Variants in ENTREP2 observed in about 807,000 individuals in gnomAD.
ENTREP2 encodes the protein protein ENTREP2.
At chr15:29,269,429 C>A in the ENTREP2 span, 5 of 1,614,022 alleles carry the variant, frequency 3.1e-6, no homozygotes, top group Non-Finnish European at 4.2e-6. Flanking sequence ...AAGAACTGCA[C>A]CAGCTCGGAC....
the ENTREP2 span, among the ~76,000 whole-genome samples, chr15:29,172,375 G>C: frequency 6.6e-6 from 1 of 152,166 alleles, no homozygotes; most frequent in South Asian, 2.1e-4. Flanking sequence ...CAAGGAGCAG[G>C]AGTCCTAGAT....
the ENTREP2 span, among the ~76,000 whole-genome samples, chr15:29,601,035 T>C: frequency 6.6e-5 from 10 of 151,108 alleles, no homozygotes; most frequent in Non-Finnish European, 1.3e-4. Context: ...GTAGCTGGGA[T>C]TACAGGTGCC....
the ENTREP2 span, among the ~76,000 whole-genome samples, chr15:29,368,439 G>C: frequency 6.6e-6 from 1 of 151,484 alleles, no homozygotes; most frequent in Non-Finnish European, 1.5e-5. Context: ...AAGGCATGGT[G>C]GACTTAGAAG....
chr15:29,220,865 T>C, the ENTREP2 span, among the ~76,000 whole-genome samples: 1,855 of 152,306 alleles, frequency 0.012, 39 homozygotes, highest in African/African-American at 0.042. Context: ...ATTTCACCTT[T>C]ATTTTGGTCT....
At chr15:29,672,317 T>C in the ENTREP2 span, among the ~76,000 whole-genome samples, 1 of 152,204 alleles carries the variant, frequency 6.6e-6, no homozygotes, top group Non-Finnish European at 1.5e-5. Flanking sequence ...CAAGGGCCTA[T>C]GGATCCCACA....
chr15:29,443,178 T>C, the ENTREP2 span, among the ~76,000 whole-genome samples: 1 of 152,230 alleles, frequency 6.6e-6, no homozygotes, highest in Non-Finnish European at 1.5e-5. Context: ...TCACCACTCC[T>C]GTGGTCACTC....
chr15:29,186,404 C>T, the ENTREP2 span, among the ~76,000 whole-genome samples: 1 of 152,236 alleles, frequency 6.6e-6, no homozygotes, highest in African/African-American at 2.4e-5. Context: ...CACATCACAG[C>T]TGCCAAAAAA....
the ENTREP2 span, among the ~76,000 whole-genome samples, chr15:29,173,557 C>G: frequency 2.0e-5 from 3 of 152,098 alleles, no homozygotes; most frequent in Non-Finnish European, 4.4e-5. Context: ...TAAAGGGAAG[C>G]CCTCCTGGGA....
chr15:29,389,346 G>A, the ENTREP2 span, among the ~76,000 whole-genome samples: 1 of 152,086 alleles, frequency 6.6e-6, no homozygotes, highest in Non-Finnish European at 1.5e-5. Context: ...GTGGGACACT[G>A]GATTGTTGTT....
chr15:29,392,244 G>A, the ENTREP2 span, among the ~76,000 whole-genome samples: 6 of 152,150 alleles, frequency 3.9e-5, no homozygotes, highest in African/African-American at 9.7e-5. Context: ...TTACAGGCGT[G>A]AGCCACTGTG....
At chr15:29,510,816 A>C in the ENTREP2 span, among the ~76,000 whole-genome samples, 1 of 151,798 alleles carries the variant, frequency 6.6e-6, no homozygotes, top group Non-Finnish European at 1.5e-5. Flanking sequence ...TCTCAAAAAA[A>C]AAAAAAAATG....
At chr15:29,521,020 C>T in the ENTREP2 span, among the ~76,000 whole-genome samples, 1 of 152,292 alleles carries the variant, frequency 6.6e-6, no homozygotes, top group South Asian at 2.1e-4. Context: ...TTTTCAACCA[C>T]GGGTGATTTT....
At chr15:29,298,252 A>T in the ENTREP2 span, among the ~76,000 whole-genome samples, 1 of 152,326 alleles carries the variant, frequency 6.6e-6, no homozygotes, top group East Asian at 1.9e-4. Context: ...TTTAGAGGGA[A>T]TTTATAGCCC....
At chr15:29,459,018 A>T in the ENTREP2 span, among the ~76,000 whole-genome samples, 1 of 152,216 alleles carries the variant, frequency 6.6e-6, no homozygotes, top group Non-Finnish European at 1.5e-5. Context: ...CCCAATCTCC[A>T]GGGCAGGCAA....
the ENTREP2 span, among the ~76,000 whole-genome samples, chr15:29,242,255 G>C: frequency 6.6e-6 from 1 of 152,216 alleles, no homozygotes; most frequent in South Asian, 2.1e-4. Flanking sequence ...TTTTGGTAGA[G>C]ATGGGATTTC....
chr15:29,191,197 T>C, the ENTREP2 span, among the ~76,000 whole-genome samples: 1,462 of 152,216 alleles, frequency 9.6e-3, 27 homozygotes, highest in African/African-American at 0.033. Context: ...ATGAGAAAAC[T>C]AGATAATGTG....
the ENTREP2 span, among the ~76,000 whole-genome samples, chr15:29,463,328 T>C: frequency 6.6e-6 from 1 of 151,944 alleles, no homozygotes; most frequent in Non-Finnish European, 1.5e-5. Flanking sequence ...GGAGAAAGTA[T>C]CAGGAAAGGT....
At chr15:29,455,348 C>G in the ENTREP2 span, among the ~76,000 whole-genome samples, 1 of 152,270 alleles carries the variant, frequency 6.6e-6, no homozygotes, top group East Asian at 1.9e-4. Context: ...ATTTCCAACC[C>G]AAATCACCCA....
chr15:29,426,393 T>C, the ENTREP2 span, among the ~76,000 whole-genome samples: 1 of 152,342 alleles, frequency 6.6e-6, no homozygotes, highest in East Asian at 1.9e-4. Flanking sequence ...TTGTCTTGTT[T>C]AACGCTTATC....
Sources: gnomAD v4.1 joint callset for allele counts (sites outside exome capture counted in the v4.1 genomes callset) on GRCh38, gnomAD v4.1.1 for gene constraint, MANE v1.5 for transcripts, NCBI Gene and HGNC (gene_info 2026-07-23, HGNC 2026-07-21) for gene names.